The following CCDC170 variants were observed in gnomAD, a reference collection of about 807,000 sequenced individuals.
CCDC170 encodes coiled-coil domain containing 170, also known as coiled-coil domain-containing protein 170.
CCDC170 carries 69 observed loss-of-function variants against 72.6 expected under a neutral mutation model. The observed-to-expected ratio is 0.95, with a 90% CI of 0.78 to 1.16. CCDC170 has a LOEUF of 1.16. Among genes scored for constraint, CCDC170 ranks in the 50% most tolerant of loss-of-function variants. The pLI, the probability that CCDC170 is intolerant of heterozygous loss-of-function variation, is 0.00. For synonymous variants in CCDC170, 300 were observed against 303.9 expected (o/e 0.99, Z 0.13); for missense variants, 852 against 832.5 (o/e 1.02, Z -0.29).
In CCDC170 at chr6:151,615,630, T is replaced by C; in HGVS notation, c.1898T>C (p.Met633Thr). The C allele has an allele frequency of 6.2e-7, 1 of 1,613,940 alleles. No homozygotes were observed. Among genetic ancestry groups the C allele is most frequent in the Non-Finnish European group, 8.5e-7 (1 of 1,179,972 alleles). Residue 633 changes from methionine (M) to threonine (T), a missense_variant, in exon 10 of 11, where the codon ATG becomes ACG. Transcript: ENST00000239374. ...RNMIEVVTSE[M>T]KTLKKSLEEA... ...ATGATAGAAGTGGTAACCAGTGAAA[T>C]GAAGACACTAAAAAAATCTCTGGAA...
chr6:151,542,888 C>T (rs1171846118), intron 3 of CCDC170, among the ~76,000 whole-genome samples: 1 of 152,120 alleles, frequency 6.6e-6, no homozygotes, highest in Non-Finnish European at 1.5e-5. Context: ...AAGAGTTTTA[C>T]CTTTCATATG....
chr6:151,504,103 C>G (rs912563330), intron 1 of CCDC170, among the ~76,000 whole-genome samples: 5 of 152,244 alleles, frequency 3.3e-5, no homozygotes, highest in Admixed American at 2.0e-4. Context: ...AAAATACAAG[C>G]TGAAGTGTTT....
chr6:151,575,810 G>A (rs932385167), intron 6 of CCDC170, among the ~76,000 whole-genome samples: 1 of 152,042 alleles, frequency 6.6e-6, no homozygotes, highest in Non-Finnish European at 1.5e-5. Context: ...TTATAGGCGT[G>A]AGCCACCGTG....
At chr6:151,554,877 T>TTG (rs1456963722) in intron 5 of CCDC170, among the ~76,000 whole-genome samples, 1 of 139,592 alleles carries the variant, frequency 7.2e-6, no homozygotes, top group Non-Finnish European at 1.6e-5. Flanking sequence ...CCTCAGTTTT[T>TTG]TTTTTTTTTT....
intron 6 of CCDC170, among the ~76,000 whole-genome samples, chr6:151,579,680 T>A (rs1019566809): frequency 6.6e-6 from 1 of 152,152 alleles, no homozygotes; most frequent in Non-Finnish European, 1.5e-5. Context: ...AGACTTCTAG[T>A]TGAGAGAAAG....
At chr6:151,509,490 C>A (rs1454468113) in intron 1 of CCDC170, among the ~76,000 whole-genome samples, 1 of 152,024 alleles carries the variant, frequency 6.6e-6, no homozygotes, top group Non-Finnish European at 1.5e-5. Flanking sequence ...TTGAGTCCAG[C>A]CTAAGAAATT....
chr6:151,584,141 T>C (rs1776417747), intron 6 of CCDC170, among the ~76,000 whole-genome samples: 1 of 152,208 alleles, frequency 6.6e-6, no homozygotes, highest in African/African-American at 2.4e-5. Context: ...AAACCTTCAA[T>C]TTGTAAAAAA....
At chr6:151,553,277 A>T (rs1782914902) in intron 5 of CCDC170, among the ~76,000 whole-genome samples, 1 of 152,128 alleles carries the variant, frequency 6.6e-6, no homozygotes, top group Admixed American at 6.5e-5. Flanking sequence ...TAGGATTTGA[A>T]CCCATATCAT....
chr6:151,595,066 A>T (rs1214823959), intron 8 of CCDC170, among the ~76,000 whole-genome samples: 1 of 152,232 alleles, frequency 6.6e-6, no homozygotes, highest in East Asian at 1.9e-4. Context: ...GTTAGGCAGG[A>T]TACTCAAAGC....
At chr6:151,544,889 A>T (rs1469614368) in intron 4 of CCDC170, among the ~76,000 whole-genome samples, 173 bp downstream of exon 4, 2 of 152,174 alleles carry the variant, frequency 1.3e-5, no homozygotes, top group Non-Finnish European at 2.9e-5. Flanking sequence ...CCTGAGCCTC[A>T]ATTCCAAGAT....
chr6:151,612,840 G>C (rs932579868), intron 9 of CCDC170, among the ~76,000 whole-genome samples: 41 of 151,778 alleles, frequency 2.7e-4, no homozygotes, highest in Non-Finnish European at 8.8e-5. Context: ...TTTTTTTAAT[G>C]ATCTAACCAC....
At chr6:151,536,539 G>A (rs530957586) in intron 2 of CCDC170, 93 bp downstream of exon 2, 5 of 1,389,808 alleles carry the variant, frequency 3.6e-6, no homozygotes, top group Admixed American at 1.8e-5. Context: ...CACTTTGGGA[G>A]GCTGAGGCAG....
chr6:151,545,475 T>A (rs1040599452), intron 4 of CCDC170, among the ~76,000 whole-genome samples: 1 of 152,052 alleles, frequency 6.6e-6, no homozygotes, highest in Non-Finnish European at 1.5e-5. Flanking sequence ...TACCATTAAG[T>A]CAGAAATAAA....
In CCDC170 at chr6:151,585,873, GTTTC is replaced by G. The variant is rs1396869787; in HGVS notation, c.1093-12_1093-9del. ...CTGAAACAAGGCTTATTCTTGATCT[GTTTC>G]TTTGTTTCCAGATGGTCTCCCAGCT... is the stretch of plus-strand genomic sequence containing the variant. On this transcript the variant is annotated splice_polypyrimidine_tract_variant and intron_variant, in intron 6 of 10. Transcript: ENST00000239374. 1 of 1,610,658 alleles carries G rather than the reference GTTTC, an allele frequency of 6.2e-7. No homozygotes were observed. Among genetic ancestry groups the G allele is most frequent in the Non-Finnish European group, 8.5e-7 (1 of 1,178,196 alleles).
intron 5 of CCDC170, among the ~76,000 whole-genome samples, chr6:151,551,627 C>A (rs1316705097): frequency 6.6e-6 from 1 of 152,156 alleles, no homozygotes; most frequent in Non-Finnish European, 1.5e-5. Flanking sequence ...AAGTCAGCTA[C>A]CATGTGGTGA....
chr6:151,591,808 T>A (rs957318583), intron 7 of CCDC170, among the ~76,000 whole-genome samples: 5 of 151,944 alleles, frequency 3.3e-5, no homozygotes, highest in African/African-American at 1.2e-4. Flanking sequence ...CATTAAAAAA[T>A]TTTAAAGAAA....
chr6:151,494,245 G>A, intron 1 of CCDC170, 60 bp downstream of exon 1: 1 of 1,422,464 alleles, frequency 7.0e-7, no homozygotes, highest in Non-Finnish European at 9.2e-7. Context: ...GACCCAGGAG[G>A]GGCCGAGGCG....
chr6:151,519,007 T>G (rs543990321), intron 1 of CCDC170, among the ~76,000 whole-genome samples: 2 of 152,212 alleles, frequency 1.3e-5, no homozygotes, highest in Non-Finnish European at 2.9e-5. Flanking sequence ...TAAGGGTCTA[T>G]GTTCAGCTGT....
intron 9 of CCDC170, among the ~76,000 whole-genome samples, chr6:151,609,567 C>T (rs1776838099): frequency 1.3e-5 from 2 of 152,190 alleles, no homozygotes; most frequent in Non-Finnish European, 2.9e-5. Context: ...CACTTGGAAC[C>T]TTCTCTGCCC....
Sources: gnomAD v4.1 joint callset for allele counts (sites outside exome capture counted in the v4.1 genomes callset) on GRCh38, gnomAD v4.1.1 for gene constraint, MANE v1.5 for transcripts, NCBI Gene and HGNC (gene_info 2026-07-23, HGNC 2026-07-21) for gene names.